RNF145: variants seen among roughly 807,000 people sequenced by gnomAD.
RNF145 encodes the protein ring finger protein 145.
A neutral mutation model predicts 57.3 loss-of-function variants in RNF145; 12 were observed. That is an observed-to-expected ratio of 0.21 (90% confidence interval 0.13 to 0.34). The LOEUF is 0.34. Among genes scored for constraint, RNF145 ranks in the 10% least tolerant of loss-of-function variants. The pLI, the probability that RNF145 is intolerant of heterozygous loss-of-function variation, is 1.00. For synonymous variants in RNF145, 262 were observed against 288.3 expected, an observed-to-expected ratio of 0.91 and a Z score of 0.92; for missense variants, 429 against 799.0, an observed-to-expected ratio of 0.54 and a Z score of 5.58.
intron 5 of RNF145, among the ~76,000 whole-genome samples, chr5:159,174,784 T>TA (rs369542508): frequency 0.036 from 5,209 of 143,822 alleles, 120 homozygotes; most frequent in Middle Eastern, 0.076. Flanking sequence ...GGATATATCT[T>TA]AAAAAAAAAA....
chr5:159,207,845 A>G lies in RNF145; in HGVS notation c.-40+1386T>C, dbSNP rs368445738. The G allele has an allele frequency of 5.2e-5, 84 of 1,614,064 alleles. No homozygotes were observed. In the African/African-American group the frequency reaches 1.0e-3, roughly 19 times the overall value. ...GGAGTCTACTCTGAATACAAAGGCC[A>G]TCTTTCAACTTAAGGAACAGAGAGA... On this transcript the variant is annotated intron_variant, in intron 1 of 10. Coordinates refer to ENST00000424310, the MANE Select transcript of RNF145 (RefSeq NM_001199383.2).
At chr5:159,194,436 G>A (rs954687669) in intron 3 of RNF145, among the ~76,000 whole-genome samples, 1 of 152,156 alleles carries the variant, frequency 6.6e-6, no homozygotes, top group Non-Finnish European at 1.5e-5. Context: ...AAAGCGCTGG[G>A]ATTACAGGTG....
intron 1 of RNF145, 57 bp downstream of exon 1, chr5:159,209,174 T>A (rs1050873239): frequency 1.6e-6 from 1 of 630,238 alleles, no homozygotes; most frequent in Admixed American, 6.5e-4. Flanking sequence ...AGGGAGGCCG[T>A]GGGAAGCGGC....
chr5:159,186,100 C>A (rs575719266), intron 3 of RNF145, among the ~76,000 whole-genome samples: 39 of 152,234 alleles, frequency 2.6e-4, no homozygotes, highest in Middle Eastern at 3.4e-3. Context: ...GTGGTAATGC[C>A]TATAGTCCCG....
At position 159,158,606 on chromosome 5, in the gene RNF145, T is replaced by C. The variant is rs1200600466; in HGVS notation, c.*64A>G. ...CATTTTCATTCCTCAAATCAGAACA[T>C]GAATTCCATCTTGAGTTAACTTCTC... is the stretch of plus-strand genomic sequence containing the variant. On this transcript the variant is annotated 3_prime_UTR_variant, in exon 11 of 11. Transcript: ENST00000424310. The C allele has an allele frequency of 1.3e-6, 2 of 1,535,472 alleles. No individual in the cohort carries two copies. The highest frequency in any genetic ancestry group is 1.9e-5 in the Admixed American group (1 of 53,562).
At chr5:159,193,071 T>C (rs71593329) in intron 3 of RNF145, among the ~76,000 whole-genome samples, 1 of 152,100 alleles carries the variant, frequency 6.6e-6, no homozygotes, top group Non-Finnish European at 1.5e-5. Context: ...TGTATCAGTA[T>C]TGGTGCTTGG....
rs1272778091 is a variant in RNF145 at position 159,168,809 on chromosome 5, GACA to G, written c.1121+61_1121+63del. On this transcript the variant is annotated intron_variant, in intron 8 of 10. Coordinates refer to ENST00000424310, the MANE Select transcript of RNF145 (RefSeq NM_001199383.2). The stretch of plus-strand genomic sequence containing the variant: ...TCTCTAAATATTCCCTAAATATTTA[GACA>G]ACAAATGCATGTAAAGAATATTACA... 6 of 1,048,556 alleles carry G rather than the reference GACA, an allele frequency of 5.7e-6. No homozygotes were observed. The African/African-American group carries it at 9.9e-5, about 17-fold the overall frequency. 65.0% of individuals were successfully genotyped at this position (1,048,556 alleles called of 1,614,324 possible).
rs545697936 is a variant in RNF145 at position 159,157,718 on chromosome 5, CAG to C, written c.*950_*951del. The stretch of plus-strand genomic sequence containing the variant: ...TTAACAGCTTTAAAAGTGGCATTTG[CAG>C]AGTGTGATCATACAGTTATGTACTC... On this transcript the variant is annotated 3_prime_UTR_variant, in exon 11 of 11. Transcript: ENST00000424310. 2 of 152,710 alleles carry C rather than the reference CAG, an allele frequency of 1.3e-5. No individual in the cohort carries two copies. Among genetic ancestry groups the C allele is most frequent in the Non-Finnish European group, 2.9e-5 (2 of 68,030 alleles). The allele number at this position is 152,710 out of a possible 1,614,324, so 9.5% of individuals were successfully genotyped here.
chr5:159,209,936 AC>A, upstream of RNF145: 1 of 1,530,548 alleles, frequency 6.5e-7, no homozygotes, highest in South Asian at 1.2e-5. Context: ...ATTCGTTTTA[AC>A]CTCGTCACTG....
chr5:159,160,854 A>C (rs564989005), intron 10 of RNF145, among the ~76,000 whole-genome samples: 1 of 152,202 alleles, frequency 6.6e-6, no homozygotes, highest in African/African-American at 2.4e-5. Flanking sequence ...TGTTAGGTAC[A>C]TGAATATTTC....
chr5:159,162,184 A>G (rs531898329), intron 9 of RNF145, among the ~76,000 whole-genome samples: 41 of 152,362 alleles, frequency 2.7e-4, no homozygotes, highest in African/African-American at 9.9e-4. Flanking sequence ...CAATACACAC[A>G]CATCATATAC....
intron 3 of RNF145, among the ~76,000 whole-genome samples, chr5:159,189,244 C>G (rs890679872): frequency 2.6e-5 from 4 of 151,914 alleles, no homozygotes; most frequent in African/African-American, 9.7e-5. Context: ...ATATAAAGAA[C>G]TCCTACAACT....
chr5:159,193,165 T>C (rs187636369), intron 3 of RNF145, among the ~76,000 whole-genome samples: 3 of 152,304 alleles, frequency 2.0e-5, no homozygotes, highest in South Asian at 2.1e-4. Context: ...CACAGTGACA[T>C]ACTTCTGTCA....
intron 3 of RNF145, among the ~76,000 whole-genome samples, chr5:159,186,360 A>G (rs1290558946): frequency 1.2e-4 from 19 of 152,360 alleles, no homozygotes; most frequent in Admixed American, 1.2e-3. Flanking sequence ...TTACCACTTC[A>G]GCTAATTAAA....
At chr5:159,187,518 G>A (rs1785113578) in intron 3 of RNF145, among the ~76,000 whole-genome samples, 1 of 151,748 alleles carries the variant, frequency 6.6e-6, no homozygotes, top group Non-Finnish European at 1.5e-5. Context: ...TAGTAGATAC[G>A]GGGTTTCACT....
At chr5:159,176,893 A>C in intron 4 of RNF145, 26 bp from the exon 5 acceptor site, 2 of 1,370,934 alleles carry the variant, frequency 1.5e-6, no homozygotes, top group Non-Finnish European at 2.0e-6. Flanking sequence ...GAATACATTT[A>C]ATTTTGAGTA....
At chr5:159,207,658 G>C (rs1584718014) in intron 1 of RNF145, 2 of 1,611,650 alleles carry the variant, frequency 1.2e-6, no homozygotes, top group Middle Eastern at 3.3e-4. Flanking sequence ...TGAGATACCA[G>C]GAAAGAGAAC....
At chr5:159,204,246 T>A (rs761021210) in intron 1 of RNF145, among the ~76,000 whole-genome samples, 2 of 152,116 alleles carry the variant, frequency 1.3e-5, no homozygotes, top group Non-Finnish European at 2.9e-5. Context: ...ATCTTTAAAG[T>A]TAAATATGGT....
chr5:159,195,602 C>T (rs1214044953), intron 2 of RNF145, among the ~76,000 whole-genome samples: 2 of 152,178 alleles, frequency 1.3e-5, no homozygotes, highest in Non-Finnish European at 2.9e-5. Context: ...CGTTGTTACT[C>T]TTTGGCTCTG....
Sources: gnomAD v4.1 joint callset for allele counts (sites outside exome capture counted in the v4.1 genomes callset) on GRCh38, gnomAD v4.1.1 for gene constraint, MANE v1.5 for transcripts, NCBI Gene and HGNC (gene_info 2026-07-23, HGNC 2026-07-21) for gene names.